ZFR: variants seen among roughly 807,000 people sequenced by gnomAD.
ZFR encodes the protein zinc finger RNA-binding protein.
Under a neutral mutation model 130.7 loss-of-function variants are expected in ZFR, and 19 were observed. That is an observed-to-expected ratio of 0.15 (90% CI 0.10 to 0.21). The LOEUF is 0.21. Ranked by LOEUF, ZFR falls within the 10% of genes least tolerant of loss-of-function variation. The pLI is 1.00. For missense variants in ZFR, 872 were observed against 1,321.5 expected (o/e 0.66, Z 5.27); for synonymous variants, 466 against 456.9 (o/e 1.02, Z -0.25).
chr5:32,369,089 C>A (rs944985278), intron 17 of ZFR, among the ~76,000 whole-genome samples: 4 of 152,154 alleles, frequency 2.6e-5, no homozygotes, highest in African/African-American at 9.7e-5. Flanking sequence ...TCATGTCTTG[C>A]AGGGAAAAGA....
At chr5:32,402,995 G>T in intron 8 of ZFR, 111 bp downstream of exon 8, 1 of 1,062,550 alleles carries the variant, frequency 9.4e-7, no homozygotes, top group South Asian at 1.6e-5. Flanking sequence ...CAAGGTCCCA[G>T]AGAGAAGGGA....
At chr5:32,414,839 ATATT>A in intron 5 of ZFR, 126 bp downstream of exon 5, 1 of 800,814 alleles carries the variant, frequency 1.2e-6, no homozygotes, top group East Asian at 3.0e-5. Flanking sequence ...TTATGTACCT[ATATT>A]TATGTCTATC....
intron 2 of ZFR, among the ~76,000 whole-genome samples, chr5:32,434,916 TTTTC>T (rs1047805087): frequency 2.0e-5 from 3 of 151,952 alleles, no homozygotes; most frequent in East Asian, 1.9e-4. Flanking sequence ...CTCTGTAACT[TTTTC>T]TTTCTTTCTT....
chr5:32,401,719 A>G (rs932658795), intron 8 of ZFR, among the ~76,000 whole-genome samples: 2 of 152,226 alleles, frequency 1.3e-5, no homozygotes, highest in African/African-American at 4.8e-5. Context: ...GAAGACTAAC[A>G]CAATAGATAT....
chr5:32,417,335 T>C (rs907169584), intron 4 of ZFR, among the ~76,000 whole-genome samples: 12 of 152,154 alleles, frequency 7.9e-5, no homozygotes, highest in Admixed American at 6.6e-4. Flanking sequence ...TTGTTGGCAG[T>C]ATCATATGTT....
intron 7 of ZFR, 99 bp downstream of exon 7, chr5:32,403,807 A>C: frequency 1.7e-6 from 2 of 1,178,914 alleles, no homozygotes; most frequent in South Asian, 2.0e-5. Context: ...ATGCACTTAA[A>C]AGTTTTCGAA....
intron 17 of ZFR, among the ~76,000 whole-genome samples, chr5:32,378,865 TA>T (rs3833640): frequency 2.4e-4 from 35 of 148,754 alleles, no homozygotes; most frequent in African/African-American, 6.1e-4. Flanking sequence ...GCTGTAATAT[TA>T]AAAAAAAAAC....
Position 32,355,408 on chromosome 5 carries a change from A to G in ZFR, c.*352T>C, listed in dbSNP as rs1752282073. On this transcript the variant is annotated 3_prime_UTR_variant, in exon 20 of 20. Transcript: ENST00000265069. ...ATATCAAAATACACAGAGCAACTGA[A>G]GCACACATCCTGCATTAAATACAGT... is the stretch of plus-strand genomic sequence containing the variant. The G allele has an allele frequency of 6.2e-6, 1 of 161,616 alleles. No homozygotes were observed. Among genetic ancestry groups the G allele is most frequent in the Non-Finnish European group, 1.3e-5 (1 of 74,568 alleles). The allele number at this position is 161,616 out of a possible 1,614,324, so 10.0% of individuals were successfully genotyped here.
chr5:32,368,907 T>C (rs1238740445), intron 17 of ZFR, among the ~76,000 whole-genome samples: 1 of 152,242 alleles, frequency 6.6e-6, no homozygotes, highest in African/African-American at 2.4e-5. Context: ...CAATGGGCAA[T>C]TGTACATACA....
intron 2 of ZFR, among the ~76,000 whole-genome samples, chr5:32,442,889 G>A (rs1754504282): frequency 6.6e-6 from 1 of 152,118 alleles, no homozygotes; most frequent in Non-Finnish European, 1.5e-5. Context: ...CCAACTATAT[G>A]ATGTTCCCAA....
chr5:32,388,672 G>A lies in ZFR; in HGVS notation c.2145C>T (p.Pro715=), dbSNP rs1407222234. ...CATCAGATGAGTCAGGACGACGTAA[G>A]GGCTACAGAGAAACAAAGTTGCTCA... ...GMPPQPQGPA[P]LRRPDSSDDR... Residue 715 remains proline, a splice_region_variant and synonymous_variant, in exon 13 of 20, where the codon CCC becomes CCT. Coordinates refer to ENST00000265069, the MANE Select transcript of ZFR (RefSeq NM_016107.5). The A allele has an allele frequency of 1.0e-5, 16 of 1,592,986 alleles. No individual in the cohort carries two copies. The highest frequency in any genetic ancestry group is 1.4e-5 in the Non-Finnish European group (16 of 1,171,944).
intron 14 of ZFR, 92 bp downstream of exon 14, chr5:32,387,457 G>C: frequency 6.9e-7 from 1 of 1,444,604 alleles, no homozygotes; most frequent in Non-Finnish European, 9.3e-7. Flanking sequence ...AATTTTAAAG[G>C]CTGGCTTAGG....
chr5:32,395,722 T>C (rs1305542121), intron 10 of ZFR, among the ~76,000 whole-genome samples: 1 of 152,200 alleles, frequency 6.6e-6, no homozygotes, highest in Admixed American at 6.5e-5. Flanking sequence ...ATGATGAGGA[T>C]GAAGACCTTT....
Position 32,385,496 on chromosome 5 carries a change from T to G in ZFR, c.2641+12A>C. The G allele has an allele frequency of 6.2e-7, 1 of 1,611,586 alleles. No homozygotes were observed. Among genetic ancestry groups the G allele is most frequent in the South Asian group, 1.1e-5 (1 of 90,712 alleles). Reference sequence around the variant, plus strand: ...AGTTAATAGAAAGTAGAAAGTTTAATGGCTTTCCAACCTCCTTCCCTCATG... The same window carrying G: ...AGTTAATAGAAAGTAGAAAGTTTAAGGGCTTTCCAACCTCCTTCCCTCATG... On this transcript the variant is annotated intron_variant, in intron 15 of 19. Transcript: ENST00000265069.
chr5:32,438,969 T>C (rs565031344), intron 2 of ZFR, among the ~76,000 whole-genome samples: 10 of 152,316 alleles, frequency 6.6e-5, no homozygotes, highest in Admixed American at 2.0e-4. Context: ...GGATTCAAAC[T>C]CTATATAGTT....
intron 12 of ZFR, 72 bp downstream of exon 12, chr5:32,390,203 T>C: frequency 6.5e-7 from 1 of 1,529,226 alleles, no homozygotes; most frequent in African/African-American, 1.4e-5. Flanking sequence ...CATTAGCCCC[T>C]CCAAAATTGT....
At chr5:32,418,657 C>T (rs1317795976) in intron 3 of ZFR, among the ~76,000 whole-genome samples, 1 of 152,162 alleles carries the variant, frequency 6.6e-6, no homozygotes, top group Non-Finnish European at 1.5e-5. Context: ...CATAAATAAT[C>T]ACACCTCAAA....
chr5:32,381,642 T>A (rs894614157), intron 15 of ZFR, among the ~76,000 whole-genome samples: 1 of 152,166 alleles, frequency 6.6e-6, no homozygotes, highest in African/African-American at 2.4e-5. Flanking sequence ...AAAGGATAAC[T>A]TGTTCTTATT....
chr5:32,441,104 G>A (rs1754463182), intron 2 of ZFR, among the ~76,000 whole-genome samples: 1 of 152,144 alleles, frequency 6.6e-6, no homozygotes, highest in Non-Finnish European at 1.5e-5. Context: ...CTCCAGAGTA[G>A]CTGGGATTAC....
Sources: gnomAD v4.1 joint callset for allele counts (sites outside exome capture counted in the v4.1 genomes callset) on GRCh38, gnomAD v4.1.1 for gene constraint, MANE v1.5 for transcripts, NCBI Gene and HGNC (gene_info 2026-07-23, HGNC 2026-07-21) for gene names.